Variants in EPB41L4B observed in about 807,000 individuals in gnomAD.
EPB41L4B encodes band 4.1-like protein 4B.
In EPB41L4B, 30 loss-of-function variants were observed where a neutral mutation model predicts 112.5. The observed-to-expected ratio is 0.27, with a 90% CI of 0.20 to 0.36. EPB41L4B has a LOEUF of 0.36. EPB41L4B is among the 10% of genes least tolerant of loss of function. The pLI is 1.00. For synonymous variants in EPB41L4B, 408 were observed against 439.7 expected (o/e 0.93, Z 0.90); for missense variants, 1,024 against 1,133.3 (o/e 0.90, Z 1.38).
chr9:109,234,722 C>T (rs1834078644), intron 15 of EPB41L4B, among the ~76,000 whole-genome samples: 1 of 152,096 alleles, frequency 6.6e-6, no homozygotes, highest in African/African-American at 2.4e-5. Context: ...AAAAATTTAG[C>T]AAAGCATGGT....
In EPB41L4B at chr9:109,279,913, G is replaced by C. The variant is rs2119134686; in HGVS notation, c.315C>G (p.Ala105=). The C allele has an allele frequency of 6.2e-7, 1 of 1,613,382 alleles. No homozygotes were observed. Residue 105 remains alanine, a synonymous_variant, in exon 2 of 26, where the codon GCC becomes GCG. Transcript: ENST00000374566. ...TEVSVDLPKH[A]KGQDLFDQIV... ...TCTGATCAAACAAATCCTGGCCTTTGGCATGTTTCTGGAAGACAATTGGGA... is the reference window on the plus strand; with the variant it reads ...TCTGATCAAACAAATCCTGGCCTTTCGCATGTTTCTGGAAGACAATTGGGA...
chr9:109,215,127 C>T lies in EPB41L4B; in HGVS notation c.1634-1309G>A, dbSNP rs143706377. On this transcript the variant is annotated intron_variant, in intron 16 of 25. Coordinates refer to ENST00000374566, the MANE Select transcript of EPB41L4B (RefSeq NM_019114.5). Reference sequence around the variant, plus strand: ...TGGCCCATCCTGTCTCAACAGCTCACAGACTCACACAATATCAGAGCTGGA... The same window carrying T: ...TGGCCCATCCTGTCTCAACAGCTCATAGACTCACACAATATCAGAGCTGGA... 2.8e-3 allele frequency among the ~76,000 whole-genome samples: 427 copies of T among 152,276 alleles called. 2 individuals carry two copies. Among genetic ancestry groups the T allele is most frequent in the African/African-American group, 9.7e-3 (405 of 41,562 alleles).
chr9:109,272,211 A>G (rs1835649914), intron 2 of EPB41L4B, among the ~76,000 whole-genome samples: 1 of 152,106 alleles, frequency 6.6e-6, no homozygotes, highest in African/African-American at 2.4e-5. Context: ...AATCTCAACA[A>G]TTTGAGAGGC....
At chr9:109,175,055 T>C (rs1041708143) in intron 25 of EPB41L4B, among the ~76,000 whole-genome samples, 1 of 151,570 alleles carries the variant, frequency 6.6e-6, no homozygotes, top group Non-Finnish European at 1.5e-5. Flanking sequence ...TAGCTGGGAT[T>C]ACAGGCACGT....
intron 1 of EPB41L4B, among the ~76,000 whole-genome samples, chr9:109,308,468 A>G (rs1210730533): frequency 2.0e-5 from 3 of 152,258 alleles, no homozygotes; most frequent in African/African-American, 4.8e-5. Context: ...AAAGGTGAAG[A>G]GAAGGTTTTT....
At chr9:109,268,774 G>C (rs1026720996) in intron 2 of EPB41L4B, among the ~76,000 whole-genome samples, 1 of 151,840 alleles carries the variant, frequency 6.6e-6, no homozygotes, top group Non-Finnish European at 1.5e-5. Context: ...GCGCGCGCCT[G>C]TAGTCCCAGC....
At chr9:109,271,826 C>G (rs1454795683) in intron 2 of EPB41L4B, among the ~76,000 whole-genome samples, 1 of 152,188 alleles carries the variant, frequency 6.6e-6, no homozygotes, top group African/African-American at 2.4e-5. Context: ...AACACTCTAA[C>G]GGGTGTTAGA....
chr9:109,285,988 CA>C (rs1223010294), intron 1 of EPB41L4B, among the ~76,000 whole-genome samples: 6 of 152,270 alleles, frequency 3.9e-5, no homozygotes, highest in Non-Finnish European at 8.8e-5. Context: ...GCTCCTGTGT[CA>C]GAATCCTACT....
At position 109,320,575 on chromosome 9, in the gene EPB41L4B, G is replaced by A; in HGVS notation, c.-129C>T. 2.5e-6 allele frequency: 1 copy of A among 392,876 alleles called. No homozygotes were observed. The highest frequency in any genetic ancestry group is 9.8e-5 in the South Asian group (1 of 10,170). 24.3% of individuals were successfully genotyped at this position (392,876 alleles called of 1,614,324 possible). ...TCGGCCGCCCGCGCCGCCTCTCGCG[G>A]GCTACGGCCCGGGGCAAGCCCGCGC... is the stretch of plus-strand genomic sequence containing the variant. On this transcript the variant is annotated 5_prime_UTR_variant, in exon 1 of 26. Coordinates refer to ENST00000374566, the MANE Select transcript of EPB41L4B (RefSeq NM_019114.5).
intron 21 of EPB41L4B, 106 bp from the exon 22 acceptor site, chr9:109,192,461 T>G: frequency 1.5e-6 from 1 of 688,620 alleles, no homozygotes; most frequent in Non-Finnish European, 2.3e-6. Context: ...TACACTGATC[T>G]CATTAGCAAT....
chr9:109,245,236 A>G (rs1291360790), intron 14 of EPB41L4B, among the ~76,000 whole-genome samples: 2 of 152,198 alleles, frequency 1.3e-5, no homozygotes, highest in African/African-American at 4.8e-5. Flanking sequence ...GCCCAGAATG[A>G]GGTTCCATTC....
At position 109,192,260 on chromosome 9, in the gene EPB41L4B, G is replaced by A. The variant is rs1832485876; in HGVS notation, c.2301+18C>T. 5.0e-6 allele frequency: 8 copies of A among 1,596,390 alleles called. No individual in the cohort carries two copies. The highest frequency in any genetic ancestry group is 6.8e-6 in the Non-Finnish European group (8 of 1,171,192). ...ATGGTCTGTGACTTTTCTGGTTTTA[G>A]CAAAATAGGAAGTTTACCAGAGGAG... On this transcript the variant is annotated intron_variant, in intron 22 of 25. Coordinates refer to ENST00000374566, the MANE Select transcript of EPB41L4B (RefSeq NM_019114.5).
chr9:109,200,926 A>G (rs537968656), intron 19 of EPB41L4B, among the ~76,000 whole-genome samples: 1 of 152,340 alleles, frequency 6.6e-6, no homozygotes, highest in East Asian at 1.9e-4. Context: ...TCAAGAATTT[A>G]TTTCAGGTAA....
intron 1 of EPB41L4B, among the ~76,000 whole-genome samples, chr9:109,313,106 C>T (rs1179072593): frequency 6.6e-6 from 1 of 152,126 alleles, no homozygotes; most frequent in Non-Finnish European, 1.5e-5. Context: ...CCTTCTCCAA[C>T]TCCAGCCCAC....
chr9:109,189,624 TTTTA>T (rs1215430572), intron 22 of EPB41L4B, among the ~76,000 whole-genome samples: 11 of 152,126 alleles, frequency 7.2e-5, no homozygotes, highest in African/African-American at 1.9e-4. Context: ...TTCTTTTTCT[TTTTA>T]TTTATTTATT....
At chr9:109,296,113 C>T (rs1836721250) in intron 1 of EPB41L4B, among the ~76,000 whole-genome samples, 1 of 152,182 alleles carries the variant, frequency 6.6e-6, no homozygotes, top group African/African-American at 2.4e-5. Flanking sequence ...AATAAATATG[C>T]AACAAATTCC....
chr9:109,253,411 A>G lies in EPB41L4B; in HGVS notation c.1279+30T>C, dbSNP rs759118004. On this transcript the variant is annotated intron_variant, in intron 12 of 25. Coordinates refer to ENST00000374566, the MANE Select transcript of EPB41L4B (RefSeq NM_019114.5). ...CTTAAATGACTCAAGCATAATGTAAAATTCCAAGAAAGAATGAAAAACACA... is the reference window on the plus strand; with the variant it reads ...CTTAAATGACTCAAGCATAATGTAAGATTCCAAGAAAGAATGAAAAACACA... 2.0e-6 allele frequency: 3 copies of G among 1,517,314 alleles called. No individual in the cohort carries two copies. The East Asian group carries it at 6.8e-5, about 34-fold the overall frequency. The allele number at this position is 1,517,314 out of a possible 1,614,324, so 94.0% of individuals were successfully genotyped here.
At position 109,183,307 on chromosome 9, in the gene EPB41L4B, C is replaced by T. The variant is rs564533252; in HGVS notation, c.2419-510G>A. 2.7e-4 allele frequency among the ~76,000 whole-genome samples: 41 copies of T among 152,270 alleles called. 1 individual carries two copies. Among genetic ancestry groups the T allele is most frequent in the African/African-American group, 9.4e-4 (39 of 41,550 alleles). On this transcript the variant is annotated intron_variant, in intron 23 of 25. Coordinates refer to ENST00000374566, the MANE Select transcript of EPB41L4B (RefSeq NM_019114.5). The stretch of plus-strand genomic sequence containing the variant: ...CTAGAAAGTATTCCCTGTCTAATCA[C>T]TTCAGTTACTGGACTCCCTGTACGC...
In EPB41L4B at chr9:109,241,443, G is replaced by A. The variant is rs1453871979; in HGVS notation, c.1409+2175C>T. ...AAATCAGAACATCAATATGATTCCT[G>A]AGCCTTTACCTTCATTTTAATGAGA... On this transcript the variant is annotated intron_variant, in intron 15 of 25. Transcript: ENST00000374566. 7 of 1,310,968 alleles carry A rather than the reference G, an allele frequency of 5.3e-6. No homozygotes were observed. In the South Asian group the frequency reaches 1.1e-4, roughly 21 times the overall value. 81.2% of individuals were successfully genotyped at this position (1,310,968 alleles called of 1,614,324 possible).
Sources: allele counts gnomAD v4.1 joint callset (sites outside exome capture counted in the v4.1 genomes callset), GRCh38; gene constraint gnomAD v4.1.1; transcripts MANE v1.5; gene names NCBI Gene and HGNC (gene_info 2026-07-23, HGNC 2026-07-21).